The following CSMD3 variants were observed in gnomAD, a reference collection of about 807,000 sequenced individuals.
CSMD3 encodes the protein CUB and sushi domain-containing protein 3.
CSMD3 carries 177 observed loss-of-function variants against 435.2 expected under a neutral mutation model. The ratio of observed to expected loss-of-function variants is 0.41; its 90% confidence interval spans 0.36 to 0.46. The LOEUF is 0.46. Among genes scored for constraint, CSMD3 ranks in the 20% least tolerant of loss-of-function variants. The probability of loss-of-function intolerance (pLI) is 0.34; values close to 1 mark genes in which losing one functional copy is unlikely to be tolerated. For synonymous variants in CSMD3, 1,656 were observed against 1,520.5 expected, an observed-to-expected ratio of 1.09 and a Z score of -2.07; for missense variants, 4,265 against 4,504.6, an observed-to-expected ratio of 0.95 and a Z score of 1.52.
intron 38 of CSMD3, among the ~76,000 whole-genome samples, chr8:112,358,177 G>T (rs997321447): frequency 6.6e-6 from 1 of 152,004 alleles, no homozygotes; most frequent in South Asian, 2.1e-4. Flanking sequence ...ACTTGCATGG[G>T]GCCTGTAGCA....
chr8:112,756,649 G>A (rs1246690304), intron 13 of CSMD3, among the ~76,000 whole-genome samples: 1 of 151,972 alleles, frequency 6.6e-6, no homozygotes, highest in Non-Finnish European at 1.5e-5. Flanking sequence ...AATTGCCTTG[G>A]CACCATGTTC....
At chr8:112,973,158 G>A (rs149647908) in intron 7 of CSMD3, among the ~76,000 whole-genome samples, 236 of 152,032 alleles carry the variant, frequency 1.6e-3, no homozygotes, top group African/African-American at 5.6e-3. Context: ...TTATTCTTAA[G>A]AGCATTGATT....
intron 10 of CSMD3, among the ~76,000 whole-genome samples, chr8:112,906,480 C>A (rs980454929): frequency 2.0e-5 from 3 of 151,364 alleles, no homozygotes; most frequent in African/African-American, 7.3e-5. Context: ...AAAAACGTCT[C>A]TAATAATTGG....
chr8:112,250,882 CAT>C (rs1258848839), intron 63 of CSMD3, among the ~76,000 whole-genome samples: 4 of 151,738 alleles, frequency 2.6e-5, no homozygotes, highest in Non-Finnish European at 5.9e-5. Flanking sequence ...AATTTTAAGA[CAT>C]GTTTAATCAG....
chr8:112,685,929 G>A (rs2076001000), intron 14 of CSMD3, among the ~76,000 whole-genome samples, 197 bp from the exon 15 acceptor site: 1 of 151,654 alleles, frequency 6.6e-6, no homozygotes, highest in South Asian at 2.1e-4. Context: ...TAAACTTAAG[G>A]CTCTACCCTT....
chr8:113,246,596 T>G (rs961213395), intron 3 of CSMD3, among the ~76,000 whole-genome samples: 1 of 152,190 alleles, frequency 6.6e-6, no homozygotes. Flanking sequence ...TTCTATTAAC[T>G]ACTTTTTTCC....
chr8:113,323,876 TTTC>T (rs757977675), intron 1 of CSMD3, among the ~76,000 whole-genome samples: 6 of 152,220 alleles, frequency 3.9e-5, no homozygotes, highest in Non-Finnish European at 7.3e-5. Flanking sequence ...TCCAGTAACC[TTTC>T]TTCTTTTGAT....
intron 59 of CSMD3, among the ~76,000 whole-genome samples, chr8:112,266,341 A>G (rs372562073): frequency 3.8e-4 from 58 of 152,258 alleles, no homozygotes; most frequent in African/African-American, 1.3e-3. Flanking sequence ...AGGGATGGAA[A>G]TGGGGAGGCC....
intron 6 of CSMD3, among the ~76,000 whole-genome samples, chr8:113,009,838 G>GT (rs1217839995): frequency 2.6e-5 from 4 of 151,598 alleles, no homozygotes; most frequent in African/African-American, 9.7e-5. Flanking sequence ...TCCTTCTTGA[G>GT]TTTTTCAATA....
intron 17 of CSMD3, among the ~76,000 whole-genome samples, chr8:112,665,552 C>A (rs1292275490): frequency 6.6e-6 from 1 of 152,022 alleles, no homozygotes; most frequent in Non-Finnish European, 1.5e-5. Flanking sequence ...ATATGTTTTT[C>A]ATGTGGATCT....
intron 35 of CSMD3, among the ~76,000 whole-genome samples, chr8:112,405,363 T>A (rs1831753971): frequency 6.7e-6 from 1 of 149,400 alleles, no homozygotes; most frequent in South Asian, 2.1e-4. Context: ...TACCACTCTT[T>A]TTTGAATTTA....
At chr8:112,227,151 G>A (rs1193155444) in intron 70 of CSMD3, among the ~76,000 whole-genome samples, 1 of 152,160 alleles carries the variant, frequency 6.6e-6, no homozygotes, top group East Asian at 1.9e-4. Context: ...ATTCACAGTA[G>A]TTAAAAGGTA....
intron 15 of CSMD3, 130 bp downstream of exon 15, chr8:112,685,276 G>T (rs111341100): frequency 1.4e-6 from 1 of 699,804 alleles, no homozygotes; most frequent in South Asian, 1.8e-5. Flanking sequence ...ACCATCCTTG[G>T]CACAATGAGA....
intron 13 of CSMD3, among the ~76,000 whole-genome samples, chr8:112,730,129 G>GT (rs921853162): frequency 2.7e-4 from 41 of 152,080 alleles, no homozygotes; most frequent in Admixed American, 4.6e-4. Flanking sequence ...TTTCCATTTT[G>GT]TTTTTGTTTG....
At chr8:112,664,187 A>G (rs1283258261) in intron 17 of CSMD3, among the ~76,000 whole-genome samples, 1 of 152,200 alleles carries the variant, frequency 6.6e-6, no homozygotes, top group Non-Finnish European at 1.5e-5. Flanking sequence ...ATATAAATAT[A>G]TATGAGATTA....
At chr8:112,776,534 C>A (rs186626151) in intron 13 of CSMD3, among the ~76,000 whole-genome samples, 1 of 151,642 alleles carries the variant, frequency 6.6e-6, no homozygotes, top group South Asian at 2.1e-4. Context: ...ATTTTCAAAT[C>A]TCATATTTTC....
Position 112,976,039 on chromosome 8 carries a change from G to T in CSMD3, c.1140C>A (p.Ser380=). 5.0e-6 allele frequency: 8 copies of T among 1,613,962 alleles called. No individual in the cohort carries two copies. The highest frequency in any genetic ancestry group is 6.8e-6 in the Non-Finnish European group (8 of 1,179,934). Residue 380 remains serine (S), a synonymous_variant, in exon 7 of 71, where the codon TCC becomes TCA. Transcript: ENST00000297405. ...VASTPADVTV[S]SVTAVTIHRL... ...TATGGATGGTGACAGCTGTAACACT[G>T]GATACAGTAACATCTGCAGGTGTGC...
intron 13 of CSMD3, among the ~76,000 whole-genome samples, chr8:112,781,160 T>C (rs2078375697): frequency 6.6e-6 from 1 of 151,390 alleles, no homozygotes; most frequent in Non-Finnish European, 1.5e-5. Context: ...ATTCCAGGTA[T>C]TTATAGACCT....
intron 11 of CSMD3, among the ~76,000 whole-genome samples, chr8:112,835,273 G>A (rs753862221): frequency 1.3e-5 from 2 of 151,760 alleles, no homozygotes; most frequent in Admixed American, 6.6e-5. Context: ...ATCTTTCTGT[G>A]AATCTTGCAC....
Sources: allele counts gnomAD v4.1 joint callset (sites outside exome capture counted in the v4.1 genomes callset), GRCh38; gene constraint gnomAD v4.1.1; transcripts MANE v1.5; gene names NCBI Gene and HGNC (gene_info 2026-07-23, HGNC 2026-07-21).